The following TTN variants were observed in gnomAD, a reference collection of about 807,000 sequenced individuals.
The protein encoded by TTN is titin.
In TTN, 1,525 loss-of-function variants were observed where a neutral mutation model predicts 3,223.0. The ratio of observed to expected loss-of-function variants is 0.47; its 90% CI spans 0.45 to 0.49. The LOEUF (loss-of-function observed/expected upper bound fraction) is 0.49, where lower values mean the gene tolerates loss of function less well. TTN is among the 20% of genes least tolerant of loss of function. The pLI, the probability that TTN is intolerant of heterozygous loss-of-function variation, is 0.00. For missense variants in TTN, 40,786 were observed against 43,424.0 expected, an observed-to-expected ratio of 0.94 and a Z score of 5.40; for synonymous variants, 14,094 against 15,161.0, an observed-to-expected ratio of 0.93 and a Z score of 5.17.
In TTN at chr2:178,677,654, C is replaced by T; in HGVS notation, c.34258G>A (p.Glu11420Lys). The T allele has an allele frequency of 6.2e-7, 1 of 1,611,804 alleles. No individual in the cohort carries two copies. The highest frequency in any genetic ancestry group is 8.5e-7 in the Non-Finnish European group (1 of 1,178,732). ...EFVPEEEVLP[E>K]VKPKVPVPAP... ...GGTACTGGCACCTTAGGTTTAACTT[C>T]TGGAAGGACTTCTTCTTCAGGTACA... Residue 11420 changes from glutamate to lysine, a missense_variant, in exon 146 of 363, where the codon GAA (glutamate) becomes AAA (lysine). Transcript: ENST00000589042.
chr2:178,768,589 T>A, intron 38 of TTN, 84 bp downstream of exon 38: 2 of 1,583,360 alleles, frequency 1.3e-6, no homozygotes, highest in Non-Finnish European at 1.7e-6. Flanking sequence ...CACATTTTAT[T>A]TATCCATTCA....
At position 178,723,119 on chromosome 2, in the gene TTN, A is replaced by C. The variant is rs767681708; in HGVS notation, c.21888T>G (p.Asp7296Glu). ...CAATCTCGCAGGAATACTGCCCTGC[A>C]TCTCTTTTTGTGCTATTCAGAATTT... is the stretch of plus-strand genomic sequence containing the variant. ...ILEILNSTKR[D>E]AGQYSCEIEN... Residue 7296 changes from aspartate to glutamate, a missense_variant, in exon 75 of 363, where the codon GAT (aspartate) becomes GAG (glutamate). Physicochemically the swap from Asp to Glu is conservative, Grantham distance 45. Coordinates refer to ENST00000589042, the MANE Select transcript of TTN (RefSeq NM_001267550.2). The C allele has an allele frequency of 8.1e-6, 13 of 1,613,630 alleles. No individual in the cohort carries two copies. Among genetic ancestry groups the C allele is most frequent in the Non-Finnish European group, 1.0e-5 (12 of 1,179,674 alleles).
rs528443864 is a variant in TTN at position 178,780,706 on chromosome 2, C to T, written c.3523+415G>A. ...CAGGTTTTCTTTAAGATATCAGGAG[C>T]TCTAGCAACACTGAGCCTGGTAACA... On this transcript the variant is annotated intron_variant, in intron 21 of 362. Coordinates refer to ENST00000589042, the MANE Select transcript of TTN (RefSeq NM_001267550.2). Among the ~76,000 whole-genome samples, 5 of 152,278 alleles carry T rather than the reference C, an allele frequency of 3.3e-5. No individual in the cohort carries two copies. In the South Asian group the frequency reaches 1.0e-3, roughly 32 times the overall value.
At position 178,544,491 on chromosome 2, in the gene TTN, G is replaced by A; in HGVS notation, c.95738C>T (p.Pro31913Leu). ...CREPSYTPGP[P>L]SAPRVVDTTK... is the part of the protein sequence containing the mutation. Reference sequence around the variant, plus strand: ...GGTATCCACAACTCTTGGAGCAGAAGGTGGTCCAGGGGTATCTGTGGAATT... The same window carrying A: ...GGTATCCACAACTCTTGGAGCAGAAAGTGGTCCAGGGGTATCTGTGGAATT... The change falls in exon 345 of 363, where the codon CCT becomes CTT. Residue 31913 changes from proline to leucine, a missense_variant. Pro to Leu is a moderately conservative substitution (Grantham distance 98). Transcript: ENST00000589042. 6.2e-7 allele frequency: 1 copy of A among 1,604,240 alleles called. No homozygotes were observed. The highest frequency in any genetic ancestry group is 8.5e-7 in the Non-Finnish European group (1 of 1,171,864).
chr2:178,609,177 T>G, intron 273 of TTN, 31 bp downstream of exon 273: 1 of 1,464,096 alleles, frequency 6.8e-7, no homozygotes, highest in Non-Finnish European at 9.0e-7. Context: ...AAAACCTTTT[T>G]CCATTGGAAA....
Position 178,609,479 on chromosome 2 carries a change from T to C in TTN, c.51831A>G (p.Pro17277=). Residue 17277 remains proline (P), a synonymous_variant, in exon 273 of 363, where the codon CCA becomes CCG. Transcript: ENST00000589042. ...LDASISGSPY[P]TITWIKDENV... ...TTTCATCCTTTATCCATGTAATAGT[T>C]GGGTAAGGTGATCCAGAAATACTTG... 1.2e-6 allele frequency: 2 copies of C among 1,612,528 alleles called. No individual in the cohort carries two copies. The highest frequency in any genetic ancestry group is 1.7e-6 in the Non-Finnish European group (2 of 1,179,120).
rs796474434 is a variant in TTN, at chr2:178,728,532, C to T, written c.19394G>A (p.Ser6465Asn). The change falls in exon 66 of 363, where the codon AGC becomes AAC. Residue 6465 changes from serine to asparagine, a missense_variant. Transcript: ENST00000589042. ...YTFKVENDFG[S>N]SSCDAYLRVL... ...TCTTAAGTAGGCATCACAGCTACTG[C>T]TTCCGAAGTCATTTTCCACCTTGAA... is the stretch of plus-strand genomic sequence containing the variant. 1 of 1,612,268 alleles carries T rather than the reference C, an allele frequency of 6.2e-7. No homozygotes were observed. The highest frequency in any genetic ancestry group is 8.5e-7 in the Non-Finnish European group (1 of 1,178,892).
Position 178,728,963 on chromosome 2 carries a change from T to C in TTN, c.19075A>G (p.Ser6359Gly). 1 of 1,613,066 alleles carries C rather than the reference T, an allele frequency of 6.2e-7. No individual in the cohort carries two copies. The highest frequency in any genetic ancestry group is 8.5e-7 in the Non-Finnish European group (1 of 1,179,536). The change falls in exon 65 of 363, where the codon AGT (serine) becomes GGT (glycine). Residue 6359 changes from serine (S) to glycine (G), a missense_variant. By Grantham distance (56) the Ser-to-Gly change is moderately conservative (BLOSUM62 0). Transcript: ENST00000589042. ...LQIRSVDNGH[S>G]GRYTCQAKNE... is the part of the protein sequence containing the mutation. ...TTGGCTTGACAGGTATATCTCCCACTGTGTCCATTATCCACACTTCTGATT... is the reference window on the plus strand; with the variant it reads ...TTGGCTTGACAGGTATATCTCCCACCGTGTCCATTATCCACACTTCTGATT...
In TTN at chr2:178,768,858, T is replaced by C. The variant is rs772335542; in HGVS notation, c.8978A>G (p.Asn2993Ser). ...KDTITFEVTV[N>S]YEGISYKWLK... ...CCATTTGTAAGAGATGCCTTCATAG[T>C]TCACTGTCACCTCAAAAGTAATAGT... The change falls in exon 38 of 363, where the codon AAC becomes AGC. Residue 2993 changes from asparagine to serine, a missense_variant. Coordinates refer to ENST00000589042, the MANE Select transcript of TTN (RefSeq NM_001267550.2). The C allele has an allele frequency of 6.2e-6, 10 of 1,614,094 alleles. No individual in the cohort carries two copies. Among genetic ancestry groups the C allele is most frequent in the Non-Finnish European group, 8.5e-6 (10 of 1,180,004 alleles).
chr2:178,575,440 G>GAT lies in TTN; in HGVS notation c.70690_70691dup (p.Thr23565SerfsTer5), dbSNP rs2154172276. 1.2e-6 allele frequency: 2 copies of GAT among 1,613,620 alleles called. No homozygotes were observed. The highest frequency in any genetic ancestry group is 1.7e-6 in the Non-Finnish European group (2 of 1,179,644). On this transcript the variant is annotated frameshift_variant, in exon 326 of 363. Coordinates refer to ENST00000589042, the MANE Select transcript of TTN (RefSeq NM_001267550.2). LOFTEE classifies it high-confidence loss of function. This position sits in a 1 kb window ranked among gnomAD's most constrained non-coding sequence, Gnocchi z 4.0. ...TTTGGGCTTCAATCACATAGCCAGT[G>GAT]ATCTTGCTGCCACCATCGTGTTTGG...
Position 178,746,258 on chromosome 2 carries a change from C to T in TTN, c.11312-4337G>A, listed in dbSNP as rs369189673. The T allele has an allele frequency of 1.6e-4, 261 of 1,612,204 alleles. 3 individuals are homozygous for T. The South Asian group carries it at 2.4e-3, about 15-fold the overall frequency. On this transcript the variant is annotated intron_variant, in intron 47 of 362. Coordinates refer to ENST00000589042, the MANE Select transcript of TTN (RefSeq NM_001267550.2). ...AAAATCACAAATAGGCATTATAAAG[C>T]GAGGAGGCATTTCAAATACTTCTAA...
At chr2:178,684,474 C>T (rs1267651712) in intron 131 of TTN, 61 bp from the exon 132 acceptor site, 28 of 1,522,174 alleles carry the variant, frequency 1.8e-5, no homozygotes, top group Middle Eastern at 1.7e-4. Flanking sequence ...AATATACTAG[C>T]CAGAAAGTAC....
intron 209 of TTN, 129 bp downstream of exon 209, chr2:178,650,622 T>C (rs543721795): frequency 4.2e-6 from 4 of 952,498 alleles, no homozygotes; most frequent in Non-Finnish European, 6.1e-6. Flanking sequence ...TTTAGAATGA[T>C]GAATTAAGAC....
In TTN at chr2:178,529,189, G is replaced by C. The variant is rs1381487991; in HGVS notation, c.106562C>G (p.Ser35521Cys). 1 of 1,512,314 alleles carries C rather than the reference G, an allele frequency of 6.6e-7. No individual in the cohort carries two copies. The highest frequency in any genetic ancestry group is 2.4e-5 in the Admixed American group (1 of 41,932). The allele number at this position is 1,512,314 out of a possible 1,614,324, so 93.7% of individuals were successfully genotyped here. Reference protein sequence around the residue: ...AIKDTEAQKVSTQKTSEITPQ... With the variant: ...AIKDTEAQKVCTQKTSEITPQ... ...TGTAATTTCAGAAGTCTTTTGTGTA[G>C]AGACTTTCTGTGCCTCAGTATCTTT... is the stretch of plus-strand genomic sequence containing the variant. Residue 35521 changes from serine to cysteine, a missense_variant, in exon 360 of 363, where the codon TCT becomes TGT. Transcript: ENST00000589042.
chr2:178,557,530 T>C lies in TTN; in HGVS notation c.87732A>G (p.Pro29244=). Residue 29244 remains proline, a synonymous_variant, in exon 329 of 363, where the codon CCA becomes CCG. Transcript: ENST00000589042. ...PYTTPGPPST[P]WVTNVTRESI... ...TTTCTCGAGTAACATTAGTGACCCA[T>C]GGTGTAGATGGTGGTCCAGGTGTTG... 2 of 1,613,926 alleles carry C rather than the reference T, an allele frequency of 1.2e-6. No homozygotes were observed. The highest frequency in any genetic ancestry group is 1.7e-6 in the Non-Finnish European group (2 of 1,179,844).
rs761004034 is a variant in TTN, at chr2:178,613,831, T to C, written c.49452A>G (p.Gly16484=). The change falls in exon 263 of 363, where the codon GGA becomes GGG. Residue 16484 remains glycine, a synonymous_variant. Transcript: ENST00000589042. ...CAGGATCCAGTCTTTCAACCCAGTA[T>C]CCTGTGATTGGGCTGCCACCATCAT... ...PDDDGGSPIT[G]YWVERLDPDT... The C allele has an allele frequency of 6.2e-7, 1 of 1,612,600 alleles. No individual in the cohort carries two copies. The highest frequency in any genetic ancestry group is 8.5e-7 in the Non-Finnish European group (1 of 1,179,094).
chr2:178,708,007 G>A (rs544948901), intron 99 of TTN, among the ~76,000 whole-genome samples, 194 bp from the exon 100 acceptor site: 5 of 152,200 alleles, frequency 3.3e-5, no homozygotes, highest in African/African-American at 9.6e-5. Context: ...AAAAGATAAA[G>A]GTTTAAAAAC....
In TTN at chr2:178,536,076, A is replaced by T. The variant is rs771784438; in HGVS notation, c.100671T>A (p.Ile33557=). Residue 33557 remains isoleucine, a synonymous_variant, in exon 357 of 363, where the codon ATT becomes ATA. Coordinates refer to ENST00000589042, the MANE Select transcript of TTN (RefSeq NM_001267550.2). The stretch of plus-strand genomic sequence containing the variant: ...TGGCATCATCATCTGTGACACTTGC[A>T]ATGATGAGCTGGTGGTAGCCACCCT... The part of the protein sequence containing the change: ...EFKGGYHQLI[I]ASVTDDDATV... 6.2e-7 allele frequency: 1 copy of T among 1,608,284 alleles called. No individual in the cohort carries two copies. The highest frequency in any genetic ancestry group is 8.5e-7 in the Non-Finnish European group (1 of 1,175,912).
chr2:178,774,393 A>G lies in TTN; in HGVS notation c.6871T>C (p.Ser2291Pro), dbSNP rs1199263112. ...SYSGELECIVSPENIEGKWYH... is the reference protein window; with the variant it reads ...SYSGELECIVPPENIEGKWYH... ...CATTTTCCTTCTATATTTTCTGGGGATACAATGCACTCTAATTCTCCTGAA... is the reference window on the plus strand; with the variant it reads ...CATTTTCCTTCTATATTTTCTGGGGGTACAATGCACTCTAATTCTCCTGAA... The change falls in exon 30 of 363, where the codon TCC becomes CCC. Residue 2291 changes from serine (S) to proline (P), a missense_variant. Ser to Pro is a moderately conservative substitution (Grantham distance 74). Coordinates refer to ENST00000589042, the MANE Select transcript of TTN (RefSeq NM_001267550.2). 1 of 1,613,962 alleles carries G rather than the reference A, an allele frequency of 6.2e-7. No individual in the cohort carries two copies.
Sources: allele counts gnomAD v4.1 joint callset (sites outside exome capture counted in the v4.1 genomes callset), GRCh38; gene constraint gnomAD v4.1.1; non-coding constraint Gnocchi (gnomAD v3.1); transcripts MANE v1.5; gene names NCBI Gene and HGNC (gene_info 2026-07-23, HGNC 2026-07-21).